Variants in RGS8 observed in about 807,000 individuals in gnomAD.
RGS8 encodes the protein regulator of G-protein signaling 8.
In RGS8, 8 loss-of-function variants were observed where a neutral mutation model predicts 21.7. The ratio of observed to expected loss-of-function variants is 0.37; its 90% CI spans 0.22 to 0.66. The LOEUF is 0.66. Ranked by LOEUF, RGS8 falls within the 30% of genes least tolerant of loss-of-function variation. The probability of loss-of-function intolerance (pLI) is 0.59; values close to 1 mark genes in which losing one functional copy is unlikely to be tolerated. For missense variants in RGS8, 157 were observed against 217.9 expected (o/e 0.72, Z 1.76); for synonymous variants, 80 against 83.6 (o/e 0.96, Z 0.24).
upstream of RGS8, among the ~76,000 whole-genome samples, chr1:182,673,234 A>AT (rs1419146502): frequency 6.6e-6 from 1 of 152,178 alleles, no homozygotes; most frequent in Non-Finnish European, 1.5e-5. Flanking sequence ...AATGAATTCG[A>AT]TTTTTTAAAC....
the RGS8 span, among the ~76,000 whole-genome samples, chr1:182,735,543 A>T: frequency 3.9e-5 from 6 of 152,166 alleles, no homozygotes; most frequent in African/African-American, 1.4e-4. Flanking sequence ...AGGAAGCAGG[A>T]AAGAGTTGGA....
chr1:182,749,918 C>T, the RGS8 span, among the ~76,000 whole-genome samples: 1 of 152,120 alleles, frequency 6.6e-6, no homozygotes, highest in Admixed American at 6.6e-5. Flanking sequence ...TGTGTTGTTC[C>T]CCTGCCTGTG....
At chr1:182,672,002 G>A, upstream of RGS8, 1 of 1,104,712 alleles carries the variant, frequency 9.1e-7, no homozygotes, top group South Asian at 1.8e-5. Flanking sequence ...GCAGGATGCA[G>A]AAGGTGCCCC....
At chr1:182,746,342 AAT>A in the RGS8 span, among the ~76,000 whole-genome samples, 1 of 152,334 alleles carries the variant, frequency 6.6e-6, no homozygotes, top group South Asian at 2.1e-4. Context: ...ATGCAAACAC[AAT>A]ATATATGATG....
the RGS8 span, among the ~76,000 whole-genome samples, chr1:182,745,327 G>A: frequency 6.7e-6 from 1 of 149,586 alleles, no homozygotes; most frequent in Non-Finnish European, 1.5e-5. Context: ...ATTCTGAAGG[G>A]CCTATTTATT....
At chr1:182,712,116 T>C in the RGS8 span, among the ~76,000 whole-genome samples, 1 of 152,268 alleles carries the variant, frequency 6.6e-6, no homozygotes, top group African/African-American at 2.4e-5. Flanking sequence ...TCACACATAG[T>C]AGGGGGAAGA....
At chr1:182,712,388 G>A in the RGS8 span, among the ~76,000 whole-genome samples, 1 of 152,154 alleles carries the variant, frequency 6.6e-6, no homozygotes, top group African/African-American at 2.4e-5. Context: ...TGCCCTACAG[G>A]CTAATAAACA....
At chr1:182,747,780 T>A in the RGS8 span, among the ~76,000 whole-genome samples, 2 of 149,498 alleles carry the variant, frequency 1.3e-5, no homozygotes, top group Non-Finnish European at 3.0e-5. Flanking sequence ...GAGGCTGAGG[T>A]GGGAGAATGA....
the RGS8 span, among the ~76,000 whole-genome samples, chr1:182,736,710 C>G: frequency 1.3e-5 from 2 of 152,162 alleles, no homozygotes; most frequent in East Asian, 3.9e-4. Context: ...GTGCGCTGGA[C>G]CTAGCAACTT....
chr1:182,648,445 C>T, intron 5 of RGS8, 142 bp from the exon 7 acceptor site: 1 of 830,578 alleles, frequency 1.2e-6, no homozygotes, highest in South Asian at 2.0e-5. Context: ...TTGAAGACCC[C>T]ATTCTCATCT....
the RGS8 span, among the ~76,000 whole-genome samples, chr1:182,698,483 C>T: frequency 1.3e-5 from 2 of 152,288 alleles, no homozygotes; most frequent in African/African-American, 2.4e-5. Flanking sequence ...CACATAGAAA[C>T]ATGAAATAAT....
the RGS8 span, among the ~76,000 whole-genome samples, chr1:182,705,547 A>ATATAGAGAGTTGCCAGTTC: frequency 1.3e-5 from 2 of 151,192 alleles, no homozygotes; most frequent in African/African-American, 2.4e-5. Flanking sequence ...TTTTATAGCT[A>ATATAGAGAGTTGCCAGTTC]CTTTATCTAG....
exon 7 of RGS8, chr1:182,646,345 A>C: frequency 5.8e-6 from 1 of 171,664 alleles, no homozygotes; most frequent in East Asian, 1.6e-4. Context: ...GATTTACAAC[A>C]AGTGGAGAGT....
At chr1:182,751,415 G>C in the RGS8 span, among the ~76,000 whole-genome samples, 1 of 152,114 alleles carries the variant, frequency 6.6e-6, no homozygotes, top group Non-Finnish European at 1.5e-5. Context: ...TCAGGTACCA[G>C]GGTCATGTAC....
At chr1:182,699,554 C>T in the RGS8 span, among the ~76,000 whole-genome samples, 1 of 152,222 alleles carries the variant, frequency 6.6e-6, no homozygotes, top group Non-Finnish European at 1.5e-5. Flanking sequence ...AGGCTAGACA[C>T]GTGCCACATA....
chr1:182,678,956 C>T (rs1394589347), intron 1 of RGS8, among the ~76,000 whole-genome samples: 1 of 152,090 alleles, frequency 6.6e-6, no homozygotes, highest in African/African-American at 2.4e-5. Flanking sequence ...CTAACAACTC[C>T]TACTAATCTA....
chr1:182,652,736 A>G (rs929038607), intron 5 of RGS8, among the ~76,000 whole-genome samples: 1 of 152,222 alleles, frequency 6.6e-6, no homozygotes, highest in Non-Finnish European at 1.5e-5. Flanking sequence ...GATAAGTTAC[A>G]TGATAGAGAA....
At chr1:182,705,610 C>A in the RGS8 span, among the ~76,000 whole-genome samples, 337 of 135,934 alleles carry the variant, frequency 2.5e-3, 18 homozygotes, top group South Asian at 7.3e-3. Context: ...CAGGAATGAT[C>A]GCATAATACT....
rs970045091 is a variant in RGS8, at chr1:182,648,089, C to T, written c.360+48G>A. On this transcript the variant is annotated intron_variant, in intron 6 of 6. Transcript: ENST00000483095. ...CAGATCCTCTCTGAGGAGAGAAATG[C>T]AAGCTAGGAGCCATGGATAGACAGG... is the stretch of plus-strand genomic sequence containing the variant. 16 of 1,520,838 alleles carry T rather than the reference C, an allele frequency of 1.1e-5. No homozygotes were observed. In the Admixed American group the frequency reaches 2.7e-4, roughly 26 times the overall value. 94.2% of individuals were successfully genotyped at this position (1,520,838 alleles called of 1,614,324 possible).
Sources: gnomAD v4.1 joint callset for allele counts (sites outside exome capture counted in the v4.1 genomes callset) on GRCh38, gnomAD v4.1.1 for gene constraint, MANE v1.5 for transcripts, NCBI Gene and HGNC (gene_info 2026-07-23, HGNC 2026-07-21) for gene names.